PDE11A: variants seen among roughly 807,000 people sequenced by gnomAD.
PDE11A encodes the protein dual 3',5'-cyclic-AMP and -GMP phosphodiesterase 11A.
A neutral mutation model predicts 100.5 loss-of-function variants in PDE11A; 100 were observed. The ratio of observed to expected loss-of-function variants is 1.00; its 90% CI spans 0.85 to 1.18. The LOEUF (loss-of-function observed/expected upper bound fraction) is 1.18, where lower values mean the gene tolerates loss of function less well. Among genes scored for constraint, PDE11A ranks in the 50% most tolerant of loss-of-function variants. The pLI is 0.00. For synonymous variants in PDE11A, 381 were observed against 420.8 expected, an observed-to-expected ratio of 0.91 and a Z score of 1.16; for missense variants, 1,141 against 1,152.6, an observed-to-expected ratio of 0.99 and a Z score of 0.15.
intron 5 of PDE11A, among the ~76,000 whole-genome samples, chr2:177,853,541 G>T (rs2083752512): frequency 6.7e-6 from 1 of 148,714 alleles, no homozygotes. Flanking sequence ...TCCTGCTGGA[G>T]GTTTCAAGTA....
At chr2:178,087,030 T>G (rs1052759309) in intron 2 of PDE11A, among the ~76,000 whole-genome samples, 3 of 152,168 alleles carry the variant, frequency 2.0e-5, no homozygotes, top group African/African-American at 7.2e-5. Context: ...CCTCCACCAA[T>G]GGATGGCTGG....
At chr2:177,635,043 G>A (rs2080018607) in intron 19 of PDE11A, among the ~76,000 whole-genome samples, 1 of 152,166 alleles carries the variant, frequency 6.6e-6, no homozygotes, top group East Asian at 1.9e-4. Flanking sequence ...CTCCTCTGTG[G>A]CATCCCTGCT....
chr2:177,891,420 T>A (rs1446887599), intron 4 of PDE11A, among the ~76,000 whole-genome samples: 2 of 152,234 alleles, frequency 1.3e-5, no homozygotes, highest in Non-Finnish European at 2.9e-5. Flanking sequence ...ATAATTATTT[T>A]CAAGCTTTAC....
At chr2:178,064,758 A>G (rs1158702603) in intron 1 of PDE11A, among the ~76,000 whole-genome samples, 4 of 152,060 alleles carry the variant, frequency 2.6e-5, no homozygotes, top group Non-Finnish European at 5.9e-5. Context: ...CAGGAGTTTT[A>G]ATTCAGCCTG....
At chr2:178,049,565 G>A (rs2086795564) in intron 1 of PDE11A, among the ~76,000 whole-genome samples, 1 of 152,196 alleles carries the variant, frequency 6.6e-6, no homozygotes, top group African/African-American at 2.4e-5. Context: ...CGCCTCACCT[G>A]GGAAGTGCAA....
chr2:177,918,448 A>G (rs1156938842), intron 2 of PDE11A, among the ~76,000 whole-genome samples: 1 of 152,250 alleles, frequency 6.6e-6, no homozygotes, highest in Non-Finnish European at 1.5e-5. Flanking sequence ...AAGCCTAAAG[A>G]CAGCAGAAGG....
intron 9 of PDE11A, among the ~76,000 whole-genome samples, chr2:177,811,052 G>A (rs2082942241): frequency 6.6e-6 from 1 of 152,128 alleles, no homozygotes; most frequent in Non-Finnish European, 1.5e-5. Context: ...TTTCTCTTCA[G>A]TATTAGGTAA....
intron 16 of PDE11A, among the ~76,000 whole-genome samples, chr2:177,679,689 T>C (rs3770019): frequency 0.12 from 17,860 of 151,876 alleles, 1,304 homozygotes; most frequent in Middle Eastern, 0.2. Flanking sequence ...TATGATGGGG[T>C]CTGGAGAAAA....
chr2:177,850,671 ACT>A (rs2083685155), intron 5 of PDE11A, among the ~76,000 whole-genome samples: 1 of 152,208 alleles, frequency 6.6e-6, no homozygotes, highest in South Asian at 2.1e-4. Context: ...TCTACAAAGA[ACT>A]CAAACAAATT....
intron 2 of PDE11A, among the ~76,000 whole-genome samples, chr2:177,911,260 A>G (rs977061922): frequency 2.0e-5 from 3 of 152,252 alleles, no homozygotes; most frequent in Non-Finnish European, 4.4e-5. Flanking sequence ...CAGTCACATT[A>G]TTTTCATACG....
At chr2:178,042,826 C>CA (rs869215689) in intron 1 of PDE11A, among the ~76,000 whole-genome samples, 2 of 141,992 alleles carry the variant, frequency 1.4e-5, no homozygotes, top group African/African-American at 4.9e-5. Flanking sequence ...AACAAACAAA[C>CA]AAAAACCCTA....
chr2:178,023,698 T>G (rs1202173798), intron 1 of PDE11A, among the ~76,000 whole-genome samples: 2 of 152,220 alleles, frequency 1.3e-5, no homozygotes, highest in Non-Finnish European at 2.9e-5. Context: ...TTATGTTTCC[T>G]GAACATACTT....
rs1303030999 is a variant in PDE11A, at chr2:177,637,995, A to ATTT, written c.2647-8434_2647-8433insAAA. ...TATACACGTGTATATATATATATAT[A>ATTT]TATTTTTTTTTTTTTTTTTTTTGAG... On this transcript the variant is annotated intron_variant, in intron 19 of 19. Coordinates refer to ENST00000286063, the MANE Select transcript of PDE11A (RefSeq NM_016953.4). 1.3e-3 allele frequency among the ~76,000 whole-genome samples: 72 copies of ATTT among 54,124 alleles called. 5 individuals carry two copies. Among genetic ancestry groups the ATTT allele is most frequent in the Middle Eastern group, 7.7e-3 (1 of 130 alleles). The allele number at this position is 54,124 out of a possible 152,430, so 35.5% of individuals were successfully genotyped here.
chr2:178,038,779 G>C (rs2086647692), intron 1 of PDE11A: 2 of 152,172 alleles, frequency 1.3e-5, no homozygotes, highest in Admixed American at 1.3e-4. Context: ...GAATGGGCTT[G>C]GTAGGGAAAG....
chr2:177,762,503 C>G (rs1233050018), intron 10 of PDE11A, among the ~76,000 whole-genome samples: 1 of 152,188 alleles, frequency 6.6e-6, no homozygotes, highest in Non-Finnish European at 1.5e-5. Context: ...AGTCAGGGAT[C>G]TCACTGGGCC....
At chr2:178,026,455 A>T (rs1244743881) in intron 1 of PDE11A, among the ~76,000 whole-genome samples, 1 of 152,078 alleles carries the variant, frequency 6.6e-6, no homozygotes, top group Non-Finnish European at 1.5e-5. Flanking sequence ...TGAGGTCAGG[A>T]GTCAAGACCA....
chr2:178,066,749 C>G (rs1311563022), intron 1 of PDE11A, among the ~76,000 whole-genome samples: 1 of 152,230 alleles, frequency 6.6e-6, no homozygotes, highest in Non-Finnish European at 1.5e-5. Context: ...GAGCTGGCAG[C>G]AGCATGGCAC....
At chr2:177,891,508 G>A (rs2084529496) in intron 4 of PDE11A, among the ~76,000 whole-genome samples, 1 of 152,254 alleles carries the variant, frequency 6.6e-6, no homozygotes, top group African/African-American at 2.4e-5. Flanking sequence ...GTTCTAAAGA[G>A]CCTTTACCTA....
chr2:177,847,023 T>A (rs933733433), intron 5 of PDE11A, among the ~76,000 whole-genome samples: 1 of 152,196 alleles, frequency 6.6e-6, no homozygotes, highest in Non-Finnish European at 1.5e-5. Context: ...ATAGTTAACA[T>A]GTCACCCATG....
Sources: allele counts gnomAD v4.1 joint callset (sites outside exome capture counted in the v4.1 genomes callset), GRCh38; gene constraint gnomAD v4.1.1; transcripts MANE v1.5; gene names NCBI Gene and HGNC (gene_info 2026-07-23, HGNC 2026-07-21).